The following CPA3 variants were observed in gnomAD, a reference collection of about 807,000 sequenced individuals.
The protein encoded by CPA3 is mast cell carboxypeptidase A.
CPA3 carries 52 observed loss-of-function variants against 55.8 expected under a neutral mutation model. The ratio of observed to expected loss-of-function variants is 0.93; its 90% confidence interval spans 0.75 to 1.17. The LOEUF (loss-of-function observed/expected upper bound fraction) is 1.17, where lower values mean the gene tolerates loss of function less well. CPA3 is among the 50% of genes most tolerant of loss of function. The pLI, the probability that CPA3 is intolerant of heterozygous loss-of-function variation, is 0.00. For synonymous variants in CPA3, 179 were observed against 171.2 expected (o/e 1.05, Z -0.36); for missense variants, 547 against 509.1 (o/e 1.07, Z -0.72).
In CPA3 at chr3:148,896,533, T is replaced by A; in HGVS notation, c.1080T>A (p.Gly360=). Residue 360 remains glycine, a synonymous_variant, in exon 11 of 11, where the codon GGT becomes GGA. Transcript: ENST00000296046. ...PIESTIYPIS[G]SSLDWAYDLG... is the part of the protein sequence containing the mutation. ...TGTGTTTTACAGACCCGATATCAGGTTCTTCTTTAGACTGGGCTTATGACC... is the reference window on the plus strand; with the variant it reads ...TGTGTTTTACAGACCCGATATCAGGATCTTCTTTAGACTGGGCTTATGACC... The A allele has an allele frequency of 6.6e-7, 1 of 1,511,590 alleles. No individual in the cohort carries two copies. Among genetic ancestry groups the A allele is most frequent in the African/African-American group, 1.4e-5 (1 of 73,618 alleles). The allele number at this position is 1,511,590 out of a possible 1,614,324, so 93.6% of individuals were successfully genotyped here. A position where few individuals can be genotyped will look rare whatever the true frequency, so the allele number is the denominator to read the frequency against.
intron 10 of CPA3, among the ~76,000 whole-genome samples, chr3:148,895,985 A>G (rs1714816566): frequency 6.6e-6 from 1 of 152,210 alleles, no homozygotes; most frequent in Non-Finnish European, 1.5e-5. Context: ...GTTAAATTTC[A>G]TAAAAGTTGA....
At chr3:148,892,850 C>A (rs561961448) in intron 10 of CPA3, among the ~76,000 whole-genome samples, 1 of 37,674 alleles carries the variant, frequency 2.7e-5, no homozygotes, top group Admixed American at 2.9e-4. Flanking sequence ...TGGTGGCAGG[C>A]GCCTGTAGAG....
chr3:148,878,997 T>G (rs1714287982), intron 5 of CPA3, among the ~76,000 whole-genome samples: 2 of 149,428 alleles, frequency 1.3e-5, no homozygotes, highest in African/African-American at 5.0e-5. Context: ...ATCCCACAGC[T>G]TTATTACAAG....
chr3:148,878,049 T>G (rs1714256775), intron 3 of CPA3, among the ~76,000 whole-genome samples: 1 of 152,204 alleles, frequency 6.6e-6, no homozygotes, highest in African/African-American at 2.4e-5. Context: ...AGCAATACAT[T>G]TTATTTAGCC....
chr3:148,874,747 A>C (rs1026646340), intron 3 of CPA3, among the ~76,000 whole-genome samples: 10 of 152,220 alleles, frequency 6.6e-5, no homozygotes. Flanking sequence ...GTCAATCAGC[A>C]AGGAGAAACC....
chr3:148,896,873 C>A lies in CPA3; in HGVS notation c.*166C>A. ...GTTTGCTTTTACTTACTTTCAGTAG[C>A]ACCATAACGAAGTAGCTTTAAGTGA... On this transcript the variant is annotated 3_prime_UTR_variant, in exon 11 of 11. Coordinates refer to ENST00000296046, the MANE Select transcript of CPA3 (RefSeq NM_001870.4). 2.0e-6 allele frequency: 1 copy of A among 508,396 alleles called. No homozygotes were observed. The highest frequency in any genetic ancestry group is 3.3e-6 in the Non-Finnish European group (1 of 304,844). 31.5% of individuals were successfully genotyped at this position (508,396 alleles called of 1,614,324 possible).
Position 148,878,734 on chromosome 3 carries a change from CT to C in CPA3, c.461del (p.Leu154HisfsTer4). On this transcript the variant is annotated frameshift_variant, in exon 5 of 11. Transcript: ENST00000296046. LOFTEE classifies it high-confidence loss of function. ...KIGSTVEDNP[L>X]YVLKIGEKNE... ...TGGATCTACTGTTGAAGATAATCCA[CT>C]ATATGTTCTGAAGGTAAAAATAACT... The C allele has an allele frequency of 6.3e-7, 1 of 1,581,154 alleles. No homozygotes were observed. Among genetic ancestry groups the C allele is most frequent in the Non-Finnish European group, 8.7e-7 (1 of 1,153,834 alleles).
Position 148,886,119 on chromosome 3 carries a change from T to A in CPA3, c.1008T>A (p.Asp336Glu). 1 of 1,613,764 alleles carries A rather than the reference T, an allele frequency of 6.2e-7. No homozygotes were observed. The highest frequency in any genetic ancestry group is 8.5e-7 in the Non-Finnish European group (1 of 1,179,800). ...CCAAAGTTGCAAAGATTGGCACTGA[T>A]GTTCTATCAACTCGATATGAAACCC... ...DLAKVAKIGT[D>E]VLSTRYETRY... is the part of the protein sequence containing the mutation. Residue 336 changes from aspartate (D) to glutamate (E), a missense_variant, in exon 10 of 11, where the codon GAT becomes GAA. Asp to Glu is a conservative substitution (Grantham distance 45). Transcript: ENST00000296046.
intron 2 of CPA3, among the ~76,000 whole-genome samples, chr3:148,868,618 G>C (rs1413383720): frequency 6.6e-6 from 1 of 151,516 alleles, no homozygotes; most frequent in Non-Finnish European, 1.5e-5. Context: ...TCCCAAAATT[G>C]TGGAAGAAAA....
chr3:148,872,901 C>G (rs1384150931), intron 3 of CPA3, among the ~76,000 whole-genome samples: 1 of 152,134 alleles, frequency 6.6e-6, no homozygotes, highest in African/African-American at 2.4e-5. Context: ...ATTTATTTAA[C>G]TTTGCTTTAC....
intron 8 of CPA3, 64 bp from the exon 9 acceptor site, chr3:148,883,549 G>C (rs1714431208): frequency 7.7e-7 from 1 of 1,295,952 alleles, no homozygotes; most frequent in African/African-American, 1.5e-5. Flanking sequence ...TAATACATTA[G>C]AAGAGGCAGG....
At position 148,883,630 on chromosome 3, in the gene CPA3, G is replaced by T; in HGVS notation, c.796G>T (p.Asp266Tyr). ...TTCTGCAGCCATTCCTAACACCAAT[G>T]ACCCATGTGCAGATAACTATCGGGG... is the stretch of plus-strand genomic sequence containing the variant. Reference protein sequence around the residue: ...ASWNSIPNTNDPCADNYRGSA... With the variant: ...ASWNSIPNTNYPCADNYRGSA... The change falls in exon 9 of 11, where the codon GAC (aspartate) becomes TAC (tyrosine). Residue 266 changes from aspartate to tyrosine, a missense_variant. Physicochemically the swap from Asp to Tyr is radical, Grantham distance 160. Coordinates refer to ENST00000296046, the MANE Select transcript of CPA3 (RefSeq NM_001870.4). 6.2e-7 allele frequency: 1 copy of T among 1,613,890 alleles called. No individual in the cohort carries two copies. Among genetic ancestry groups the T allele is most frequent in the South Asian group, 1.1e-5 (1 of 91,042 alleles).
rs1714434248 is a variant in CPA3 at position 148,883,600 on chromosome 3, A to G, written c.779-13A>G. 1.2e-6 allele frequency: 2 copies of G among 1,611,070 alleles called. No individual in the cohort carries two copies. The highest frequency in any genetic ancestry group is 1.1e-5 in the South Asian group (1 of 91,028). On this transcript the variant is annotated splice_polypyrimidine_tract_variant and intron_variant, in intron 8 of 10. Transcript: ENST00000296046. ...GAGCAGACTGTGGTCTCATCCACCT[A>G]TGTCTTCTGCAGCCATTCCTAACAC... is the stretch of plus-strand genomic sequence containing the variant.
At chr3:148,892,608 G>A (rs576134659) in intron 10 of CPA3, among the ~76,000 whole-genome samples, 2 of 151,918 alleles carry the variant, frequency 1.3e-5, no homozygotes, top group Non-Finnish European at 2.9e-5. Flanking sequence ...AGCTGAAATC[G>A]TACCACTCCA....
At chr3:148,881,842 A>T (rs1350335086) in intron 7 of CPA3, among the ~76,000 whole-genome samples, 1 of 152,214 alleles carries the variant, frequency 6.6e-6, no homozygotes, top group Non-Finnish European at 1.5e-5. Flanking sequence ...GAAGCTAGTT[A>T]TGTGGGAAAA....
At position 148,886,195 on chromosome 3, in the gene CPA3, T is replaced by C. The variant is rs1437872548; in HGVS notation, c.1066+18T>C. On this transcript the variant is annotated intron_variant, in intron 10 of 10. Transcript: ENST00000296046. Reference sequence around the variant, plus strand: ...AACAATTTGTAAGTCATTCCTCTTATTTACTGAGCCCTTTTCCCTAATTAT... The same window carrying C: ...AACAATTTGTAAGTCATTCCTCTTACTTACTGAGCCCTTTTCCCTAATTAT... 6.5e-7 allele frequency: 1 copy of C among 1,532,306 alleles called. No homozygotes were observed. Among genetic ancestry groups the C allele is most frequent in the Non-Finnish European group, 9.0e-7 (1 of 1,111,848 alleles). The allele number at this position is 1,532,306 out of a possible 1,614,324, so 94.9% of individuals were successfully genotyped here. A position where few individuals can be genotyped will look rare whatever the true frequency, so the allele number is the denominator to read the frequency against.
chr3:148,867,373 C>A (rs191232326), intron 2 of CPA3, among the ~76,000 whole-genome samples: 1 of 152,344 alleles, frequency 6.6e-6, no homozygotes, highest in Admixed American at 6.5e-5. Context: ...CGGTTCCTTC[C>A]TCTGGCATTG....
At chr3:148,887,635 C>A (rs754750813) in intron 10 of CPA3, among the ~76,000 whole-genome samples, 1 of 152,154 alleles carries the variant, frequency 6.6e-6, no homozygotes, top group African/African-American at 2.4e-5. Context: ...GGAAGTGAGA[C>A]CACTTTCTGC....
chr3:148,891,507 CACACAT>C (rs1386299022), intron 10 of CPA3, among the ~76,000 whole-genome samples: 32 of 132,124 alleles, frequency 2.4e-4, no homozygotes, highest in African/African-American at 6.9e-4. Context: ...CACACACACA[CACACAT>C]ACACACACAC....
Sources: allele counts gnomAD v4.1 joint callset (sites outside exome capture counted in the v4.1 genomes callset), GRCh38; gene constraint gnomAD v4.1.1; transcripts MANE v1.5; gene names NCBI Gene and HGNC (gene_info 2026-07-23, HGNC 2026-07-21).